The following PDE11A variants were observed in gnomAD, a reference collection of about 807,000 sequenced individuals.
PDE11A encodes the protein dual 3',5'-cyclic-AMP and -GMP phosphodiesterase 11A.
Under a neutral mutation model 100.5 loss-of-function variants are expected in PDE11A, and 100 were observed. The ratio of observed to expected loss-of-function variants is 1.00; its 90% CI spans 0.85 to 1.18. The LOEUF (loss-of-function observed/expected upper bound fraction) is 1.18, where lower values mean the gene tolerates loss of function less well. Among genes scored for constraint, PDE11A ranks in the 50% most tolerant of loss-of-function variants. The probability of loss-of-function intolerance (pLI) is 0.00; values close to 1 mark genes in which losing one functional copy is unlikely to be tolerated. For synonymous variants in PDE11A, 381 were observed against 420.8 expected (o/e 0.91, Z 1.16); for missense variants, 1,141 against 1,152.6 (o/e 0.99, Z 0.15).
chr2:178,082,501 T>C (rs1257930226), intron 2 of PDE11A, among the ~76,000 whole-genome samples: 2 of 152,142 alleles, frequency 1.3e-5, no homozygotes, highest in African/African-American at 2.4e-5. Flanking sequence ...CTGGGAAGCA[T>C]AGTCTCCAGT....
chr2:178,031,898 G>A (rs953311734), intron 1 of PDE11A, among the ~76,000 whole-genome samples: 1 of 152,054 alleles, frequency 6.6e-6, no homozygotes, highest in Non-Finnish European at 1.5e-5. Flanking sequence ...ATAGGGGTTG[G>A]GGAGAAGATT....
At chr2:177,963,440 T>C (rs1033305144) in intron 2 of PDE11A, among the ~76,000 whole-genome samples, 1 of 152,214 alleles carries the variant, frequency 6.6e-6, no homozygotes, top group Non-Finnish European at 1.5e-5. Flanking sequence ...TAAAGGTTCC[T>C]ACTATAATTC....
At chr2:177,814,572 T>A (rs1249356697) in intron 9 of PDE11A, among the ~76,000 whole-genome samples, 1 of 152,170 alleles carries the variant, frequency 6.6e-6, no homozygotes, top group Non-Finnish European at 1.5e-5. Flanking sequence ...CTTTCCACAC[T>A]GGCACAAAAT....
At chr2:177,971,206 T>A (rs1276995906) in intron 2 of PDE11A, among the ~76,000 whole-genome samples, 1 of 152,210 alleles carries the variant, frequency 6.6e-6, no homozygotes, top group Non-Finnish European at 1.5e-5. Context: ...CAGCTATGCA[T>A]GTGAACCTTG....
chr2:177,729,482 C>T (rs2081650642), intron 10 of PDE11A, among the ~76,000 whole-genome samples: 1 of 152,116 alleles, frequency 6.6e-6, no homozygotes, highest in African/African-American at 2.4e-5. Flanking sequence ...GCTTTCTCCT[C>T]TCATTTTGGT....
intron 9 of PDE11A, among the ~76,000 whole-genome samples, chr2:177,806,054 A>G (rs1352036931): frequency 6.6e-6 from 1 of 152,220 alleles, no homozygotes; most frequent in African/African-American, 2.4e-5. Context: ...GAGAAAAACT[A>G]GCAATTTTTC....
At chr2:178,005,169 A>G (rs1413756315) in intron 2 of PDE11A, among the ~76,000 whole-genome samples, 1 of 151,622 alleles carries the variant, frequency 6.6e-6, no homozygotes, top group Non-Finnish European at 1.5e-5. Context: ...GGAAAAAAAG[A>G]AAGATTCTGT....
intron 13 of PDE11A, among the ~76,000 whole-genome samples, chr2:177,707,855 GAGTATAAGTAT>G (rs1345742817): frequency 6.6e-6 from 1 of 152,204 alleles, no homozygotes; most frequent in African/African-American, 2.4e-5. Context: ...ATTGGTATCT[GAGTATAAGTAT>G]TGGGCACTTC....
intron 5 of PDE11A, among the ~76,000 whole-genome samples, chr2:177,849,781 C>T: frequency 1.2e-5 from 1 of 86,136 alleles, no homozygotes; most frequent in Non-Finnish European, 2.4e-5. Flanking sequence ...CAGAGCGAGA[C>T]TCCATCTCAA....
At chr2:177,832,808 C>A (rs2083333515) in intron 6 of PDE11A, among the ~76,000 whole-genome samples, 1 of 152,086 alleles carries the variant, frequency 6.6e-6, no homozygotes, top group Non-Finnish European at 1.5e-5. Flanking sequence ...ACTATGTGTG[C>A]TCCCCTTCCA....
chr2:177,688,087 C>G (rs532773503), intron 15 of PDE11A: 1 of 152,228 alleles, frequency 6.6e-6, no homozygotes. Flanking sequence ...GTAGCATAAA[C>G]CTTTGGGCCA....
intron 2 of PDE11A, among the ~76,000 whole-genome samples, chr2:178,093,889 C>G (rs1045858956): frequency 1.3e-5 from 2 of 152,110 alleles, no homozygotes; most frequent in Non-Finnish European, 2.9e-5. Flanking sequence ...AGAGAAACTG[C>G]AAAGGTAACA....
chr2:177,917,258 T>A (rs1448425098), intron 2 of PDE11A, among the ~76,000 whole-genome samples: 1 of 152,142 alleles, frequency 6.6e-6, no homozygotes, highest in Non-Finnish European at 1.5e-5. Context: ...TTGATTGCTA[T>A]CCAGATGTAG....
At chr2:177,667,268 G>GTTTTTTGTCTTTTGTCTTTTGTCTTTT (rs2080603565) in intron 18 of PDE11A, among the ~76,000 whole-genome samples, 1 of 151,904 alleles carries the variant, frequency 6.6e-6, no homozygotes, top group African/African-American at 2.4e-5. Flanking sequence ...AACATCTCTG[G>GTTTTTTGTCTTTTGTCTTTTGTCTTTT]GTCATTTTGT....
intron 2 of PDE11A, among the ~76,000 whole-genome samples, chr2:177,916,430 C>T (rs71423515): frequency 0.086 from 13,069 of 152,266 alleles, 536 homozygotes; most frequent in South Asian, 0.1. Context: ...TTCTAATCAG[C>T]CACATCTGCT....
chr2:177,933,067 G>GT (rs2085227505), intron 2 of PDE11A, among the ~76,000 whole-genome samples: 1 of 82,798 alleles, frequency 1.2e-5, no homozygotes, highest in Non-Finnish European at 2.3e-5. Flanking sequence ...ATTTACAATA[G>GT]CCACACACAC....
chr2:177,698,895 G>A (rs1296530027), intron 14 of PDE11A, among the ~76,000 whole-genome samples: 1 of 152,202 alleles, frequency 6.6e-6, no homozygotes, highest in Non-Finnish European at 1.5e-5. Context: ...CAGAGAAAAA[G>A]TGGTAGGAAG....
At chr2:177,943,091 A>G (rs992319016) in intron 2 of PDE11A, among the ~76,000 whole-genome samples, 3 of 152,184 alleles carry the variant, frequency 2.0e-5, no homozygotes, top group African/African-American at 7.2e-5. Flanking sequence ...GTAGGTGTAC[A>G]ATACCACAAT....
At chr2:177,710,290 T>C (rs544633989) in intron 13 of PDE11A, among the ~76,000 whole-genome samples, 7 of 150,922 alleles carry the variant, frequency 4.6e-5, no homozygotes, top group African/African-American at 1.7e-4. Context: ...GGGAGGAAAT[T>C]GAGAGAATTC....
Sources: allele counts gnomAD v4.1 joint callset (sites outside exome capture counted in the v4.1 genomes callset), GRCh38; gene constraint gnomAD v4.1.1; transcripts MANE v1.5; gene names NCBI Gene and HGNC (gene_info 2026-07-23, HGNC 2026-07-21).